Variants in B4GALNT2 observed in about 807,000 individuals in gnomAD.
The protein encoded by B4GALNT2 is N-acetylneuraminylgalactosylglucosyl-glucoside beta-1,4-N- acetylgalactosaminyltransferase 2.
A neutral mutation model predicts 51.1 loss-of-function variants in B4GALNT2; 42 were observed. The ratio of observed to expected loss-of-function variants is 0.82; its 90% confidence interval spans 0.64 to 1.06. The LOEUF is 1.06. B4GALNT2 is among the 50% of genes least tolerant of loss of function. The pLI, the probability that B4GALNT2 is intolerant of heterozygous loss-of-function variation, is 0.00. For missense variants in B4GALNT2, 602 were observed against 633.6 expected (o/e 0.95, Z 0.54); for synonymous variants, 253 against 251.7 (o/e 1.01, Z -0.05).
Position 49,176,304 on chromosome 17 carries a change from T to G in B4GALNT2, c.*6576T>G, listed in dbSNP as rs2042987836. 1 of 152,216 alleles carries G rather than the reference T, an allele frequency of 6.6e-6. No individual in the cohort carries two copies. The highest frequency in any genetic ancestry group is 2.1e-4 in the South Asian group (1 of 4,832). The allele number at this position is 152,216 out of a possible 1,614,324, so 9.4% of individuals were successfully genotyped here. On this transcript the variant is annotated 3_prime_UTR_variant, in exon 11 of 11. Coordinates refer to ENST00000393354, the MANE Select transcript of B4GALNT2 (RefSeq NM_001159387.2). ...AGTGTGGAGTGGGAAATCAGGGGAC[T>G]CACAGCCTTCAGAGCTGAAAGCCCC...
upstream of B4GALNT2, among the ~76,000 whole-genome samples, chr17:49,129,155 C>A (rs929183507): frequency 6.6e-6 from 1 of 150,906 alleles, no homozygotes; most frequent in Non-Finnish European, 1.5e-5. Context: ...ACTGGAGCCA[C>A]AAGAAGTGGG....
rs759432954 is a variant in B4GALNT2, at chr17:49,152,817, C to T, written c.371C>T (p.Pro124Leu). ...TCCTGCAGAGAAGGGCTGCCCCGCC[C>T]ACTGCCCCTGCTGGTCCAGCCCAAC... Reference protein sequence around the residue: ...HFQRREGLPRPLPLLVQPNLP... With the variant: ...HFQRREGLPRLLPLLVQPNLP... The change falls in exon 4 of 11, where the codon CCA (proline) becomes CTA (leucine). Residue 124 changes from proline (P) to leucine (L), a missense_variant. Coordinates refer to ENST00000393354, the MANE Select transcript of B4GALNT2 (RefSeq NM_001159387.2). 6 of 1,605,920 alleles carry T rather than the reference C, an allele frequency of 3.7e-6. No homozygotes were observed. In the East Asian group the frequency reaches 1.3e-4, roughly 36 times the overall value.
intron 4 of B4GALNT2, among the ~76,000 whole-genome samples, chr17:49,154,244 A>G (rs1157981130): frequency 6.6e-6 from 1 of 150,994 alleles, no homozygotes; most frequent in South Asian, 2.1e-4. Context: ...CAGGTGATCC[A>G]CCTGCGTTGG....
chr17:49,152,540 G>T (rs987835332), intron 3 of B4GALNT2, among the ~76,000 whole-genome samples: 30 of 152,206 alleles, frequency 2.0e-4, no homozygotes, highest in Admixed American at 1.6e-3. Context: ...GCCGGGCGTG[G>T]AGGCGCACTC....
chr17:49,148,327 T>C, intron 3 of B4GALNT2: 1 of 351,368 alleles, frequency 2.8e-6, no homozygotes, highest in Non-Finnish European at 5.6e-6. Context: ...AAAACAAAAG[T>C]CCTCTCCAAT....
At chr17:49,122,662 T>C in the B4GALNT2 span, among the ~76,000 whole-genome samples, 1 of 152,220 alleles carries the variant, frequency 6.6e-6, no homozygotes, top group African/African-American at 2.4e-5. Flanking sequence ...TGTCTCTTAC[T>C]AGGCCCAACT....
intron 6 of B4GALNT2, 29 bp downstream of exon 6, chr17:49,159,246 G>A (rs201616383): frequency 5.6e-6 from 9 of 1,607,370 alleles, no homozygotes; most frequent in Non-Finnish European, 7.7e-6. Flanking sequence ...AGTGCAAAAT[G>A]CTTAGGGATC....
chr17:49,154,359 T>C (rs1225797792), intron 4 of B4GALNT2, among the ~76,000 whole-genome samples: 1 of 152,084 alleles, frequency 6.6e-6, no homozygotes, highest in Non-Finnish European at 1.5e-5. Flanking sequence ...ATGATGGATT[T>C]TTACACACCC....
chr17:49,128,365 C>G (rs2042520944), upstream of B4GALNT2, among the ~76,000 whole-genome samples: 1 of 152,000 alleles, frequency 6.6e-6, no homozygotes, highest in Non-Finnish European at 1.5e-5. Flanking sequence ...GCAGGAGGGG[C>G]TGCCAGGGCA....
At chr17:49,130,318 AC>A (rs1357228349), upstream of B4GALNT2, among the ~76,000 whole-genome samples, 1 of 152,222 alleles carries the variant, frequency 6.6e-6, no homozygotes, top group Admixed American at 6.5e-5. Flanking sequence ...TGCCTGGTTA[AC>A]CCCAAGTCCC....
At chr17:49,161,725 C>T (rs2042866706) in intron 7 of B4GALNT2, among the ~76,000 whole-genome samples, 1 of 151,446 alleles carries the variant, frequency 6.6e-6, no homozygotes, top group Non-Finnish European at 1.5e-5. Flanking sequence ...GGTATGGTGG[C>T]ATGCACCTGT....
intron 3 of B4GALNT2, 81 bp from the exon 4 acceptor site, chr17:49,152,719 C>T (rs2042770816): frequency 9.2e-6 from 9 of 980,454 alleles, no homozygotes; most frequent in East Asian, 8.2e-5. Flanking sequence ...GGGCAAGGCT[C>T]TGTGCACAGG....
chr17:49,142,553 A>G (rs11079864), intron 3 of B4GALNT2, among the ~76,000 whole-genome samples: 21,777 of 151,884 alleles, frequency 0.14, 2,012 homozygotes, highest in East Asian at 0.44. Context: ...TTAGCCAGGC[A>G]TGATGGTACA....
intron 1 of B4GALNT2, chr17:49,133,319 G>C: frequency 1.5e-6 from 2 of 1,369,030 alleles, no homozygotes; most frequent in Non-Finnish European, 1.9e-6. Context: ...GGGAAAAGTC[G>C]GTTTTCAAAT....
chr17:49,145,627 T>G (rs1396598183), intron 3 of B4GALNT2, among the ~76,000 whole-genome samples: 1 of 152,148 alleles, frequency 6.6e-6, no homozygotes, highest in Non-Finnish European at 1.5e-5. Context: ...GACCCAAACC[T>G]TCATTCCTGA....
chr17:49,164,193 C>T lies in B4GALNT2; in HGVS notation c.872C>T (p.Thr291Ile). 6.2e-7 allele frequency: 1 copy of T among 1,613,690 alleles called. No individual in the cohort carries two copies. Among genetic ancestry groups the T allele is most frequent in the East Asian group, 2.2e-5 (1 of 44,870 alleles). Residue 291 changes from threonine (T) to isoleucine (I), a missense_variant, in exon 8 of 11, where the codon ACC (threonine) becomes ATC (isoleucine). Thr to Ile is a moderately conservative substitution (Grantham distance 89, BLOSUM62 -1). Coordinates refer to ENST00000393354, the MANE Select transcript of B4GALNT2 (RefSeq NM_001159387.2). ...ATTCGAGAGTATTACCCAGACTTGA[C>T]CGTAATAGTGGCTGATGACAGCCAG... ...RSIREYYPDL[T>I]VIVADDSQKP...
At chr17:49,167,535 G>C (rs555965548) in intron 9 of B4GALNT2, among the ~76,000 whole-genome samples, 27 of 152,040 alleles carry the variant, frequency 1.8e-4, no homozygotes, top group Admixed American at 1.4e-3. Flanking sequence ...GGTGAAGTCT[G>C]GGCTTTTAGT....
chr17:49,139,653 A>G (rs1396897376), intron 1 of B4GALNT2, among the ~76,000 whole-genome samples: 1 of 152,092 alleles, frequency 6.6e-6, no homozygotes, highest in African/African-American at 2.4e-5. Context: ...AGTAGTTAGG[A>G]CTATAGGCAC....
At chr17:49,168,568 A>G in intron 9 of B4GALNT2, 113 bp from the exon 10 acceptor site, 1 of 1,053,128 alleles carries the variant, frequency 9.5e-7, no homozygotes, top group Non-Finnish European at 1.4e-6. Context: ...AAGGATAGAC[A>G]GAGAAATAAC....
Sources: gnomAD v4.1 joint callset for allele counts (sites outside exome capture counted in the v4.1 genomes callset) on GRCh38, gnomAD v4.1.1 for gene constraint, MANE v1.5 for transcripts, NCBI Gene and HGNC (gene_info 2026-07-23, HGNC 2026-07-21) for gene names.